MYO1A: variants seen among roughly 807,000 people sequenced by gnomAD.
MYO1A encodes unconventional myosin-Ia.
MYO1A carries 127 observed loss-of-function variants against 138.5 expected under a neutral mutation model. The ratio of observed to expected loss-of-function variants is 0.92; its 90% CI spans 0.79 to 1.06. The LOEUF is 1.06. MYO1A is among the 50% of genes least tolerant of loss of function. The pLI, the probability that MYO1A is intolerant of heterozygous loss-of-function variation, is 0.00. For missense variants in MYO1A, 1,211 were observed against 1,288.8 expected (o/e 0.94, Z 0.92); for synonymous variants, 477 against 497.5 (o/e 0.96, Z 0.55).
intron 12 of MYO1A, among the ~76,000 whole-genome samples, chr12:57,042,474 C>G (rs945650010): frequency 2.0e-5 from 3 of 152,138 alleles, no homozygotes; most frequent in Non-Finnish European, 4.4e-5. Flanking sequence ...GTGAGGACAT[C>G]TAATTTCAGT....
chr12:57,049,217 G>A (rs1288478363), intron 1 of MYO1A, among the ~76,000 whole-genome samples: 4 of 152,354 alleles, frequency 2.6e-5, no homozygotes, highest in Non-Finnish European at 2.9e-5. Flanking sequence ...CCCCCATGCA[G>A]TAGGCACATG....
intron 5 of MYO1A, 24 bp downstream of exon 5, chr12:57,047,279 G>A (rs762089770): frequency 3.7e-6 from 6 of 1,601,328 alleles, no homozygotes; most frequent in Non-Finnish European, 4.3e-6. Context: ...GGAGGGTGGA[G>A]AGGGCAGAGA....
chr12:57,038,465 A>C lies in MYO1A; in HGVS notation c.1707T>G (p.Ser569Arg). Residue 569 changes from serine to arginine, a missense_variant, in exon 17 of 28, where the codon AGT becomes AGG. Physicochemically the swap from Ser to Arg is moderately radical, Grantham distance 110. Coordinates refer to ENST00000300119, the MANE Select transcript of MYO1A (RefSeq NM_005379.4). The stretch of plus-strand genomic sequence containing the variant: ...GATTCTTCATGAGGATGGCCACAGA[A>C]CTCTTGAACTGGGCCCCAGCAGTCG... ...RPPTAGAQFK[S>R]SVAILMKNLY... 18 of 1,614,064 alleles carry C rather than the reference A, an allele frequency of 1.1e-5. No individual in the cohort carries two copies. Among genetic ancestry groups the C allele is most frequent in the Non-Finnish European group, 1.5e-5 (18 of 1,180,016 alleles).
chr12:57,043,410 G>T, intron 10 of MYO1A, 52 bp from the exon 11 acceptor site: 1 of 1,538,670 alleles, frequency 6.5e-7, no homozygotes, highest in Non-Finnish European at 9.0e-7. Context: ...TTCTCTCAGG[G>T]GAGGGAGTGC....
intron 14 of MYO1A, chr12:57,039,527 T>C: frequency 2.0e-6 from 1 of 508,388 alleles, no homozygotes. Context: ...GAGATCCCTG[T>C]AGGTGGTGTA....
At chr12:57,043,047 T>C (rs368199510) in intron 12 of MYO1A, 25 bp downstream of exon 12, 284 of 1,612,222 alleles carry the variant, frequency 1.8e-4, no homozygotes, top group Non-Finnish European at 2.3e-4. Context: ...CAGGAGAGCA[T>C]GGAGAAAGCA....
Position 57,038,709 on chromosome 12 carries a change from T to C in MYO1A, c.1534-71A>G, listed in dbSNP as rs1592476450. 6.2e-6 allele frequency: 10 copies of C among 1,608,094 alleles called. No individual in the cohort carries two copies. In the East Asian group the frequency reaches 1.1e-4, roughly 18 times the overall value. On this transcript the variant is annotated intron_variant, in intron 16 of 27. Transcript: ENST00000300119. Reference sequence around the variant, plus strand: ...CAGCACTTGGCCCTCCCAGTCTCATTGTGAAGTATTCCAGACTCTCACCTT... The same window carrying C: ...CAGCACTTGGCCCTCCCAGTCTCATCGTGAAGTATTCCAGACTCTCACCTT...
intron 19 of MYO1A, 42 bp from the exon 20 acceptor site, chr12:57,037,133 G>C (rs772582963): frequency 1.9e-6 from 3 of 1,612,078 alleles, no homozygotes; most frequent in African/African-American, 1.3e-5. Context: ...ACTGGCTCAG[G>C]GGAACAGTGC....
At position 57,038,498 on chromosome 12, in the gene MYO1A, T is replaced by C. The variant is rs1397252279; in HGVS notation, c.1674A>G (p.Lys558=). 1 of 1,613,914 alleles carries C rather than the reference T, an allele frequency of 6.2e-7. No individual in the cohort carries two copies. The highest frequency in any genetic ancestry group is 1.3e-5 in the African/African-American group (1 of 74,874). ...PEGNPKQASL[K]RPPTAGAQFK... Reference sequence around the variant, plus strand: ...ACTGGGCCCCAGCAGTCGGGGGGCGTTTGAGAGATGCCTGCTTAGGATTGC... The same window carrying C: ...ACTGGGCCCCAGCAGTCGGGGGGCGCTTGAGAGATGCCTGCTTAGGATTGC... The change falls in exon 17 of 28, where the codon AAA becomes AAG. Residue 558 remains lysine (K), a synonymous_variant. Coordinates refer to ENST00000300119, the MANE Select transcript of MYO1A (RefSeq NM_005379.4).
upstream of MYO1A, chr12:57,050,884 T>G (rs2031311821): frequency 6.6e-6 from 1 of 152,156 alleles, no homozygotes; most frequent in Non-Finnish European, 1.5e-5. Context: ...TCCATGCTAG[T>G]GCATGGCAGA....
intron 27 of MYO1A, 116 bp downstream of exon 27, chr12:57,029,015 AC>A: frequency 6.9e-6 from 11 of 1,594,394 alleles, no homozygotes; most frequent in Non-Finnish European, 9.4e-6. Context: ...CCTGAGAAAC[AC>A]CTCCAAGCCC....
chr12:57,041,880 CAGA>C (rs1352007114), intron 12 of MYO1A, among the ~76,000 whole-genome samples: 12 of 152,192 alleles, frequency 7.9e-5, no homozygotes, highest in Admixed American at 1.3e-4. Flanking sequence ...AGTCAAATTT[CAGA>C]AGGATAGGTA....
At position 57,037,832 on chromosome 12, in the gene MYO1A, C is replaced by T. The variant is rs768524352; in HGVS notation, c.1961+37G>A. 5.6e-6 allele frequency: 9 copies of T among 1,607,530 alleles called. No individual in the cohort carries two copies. In the South Asian group the frequency reaches 9.9e-5, roughly 18 times the overall value. On this transcript the variant is annotated intron_variant, in intron 18 of 27. Coordinates refer to ENST00000300119, the MANE Select transcript of MYO1A (RefSeq NM_005379.4). ...TCCCCCAGAGATGTTTCCTGCACTG[C>T]CCTTTCCTGATGCCCAGTCTCCCCA... is the stretch of plus-strand genomic sequence containing the variant.
At chr12:57,047,883 G>T in intron 3 of MYO1A, 106 bp downstream of exon 3, 1 of 1,560,674 alleles carries the variant, frequency 6.4e-7, no homozygotes. Context: ...AGGGAAGGAA[G>T]GGGCAGCTGG....
At position 57,037,073 on chromosome 12, in the gene MYO1A, G is replaced by A. The variant is rs1387429895; in HGVS notation, c.2074C>T (p.Gln692Ter). ...SPKTLFYLEEQRRLRLQQLAT... is the reference protein window; with the variant it reads ...SPKTLFYLEE ...AGCTGCTGGAGTCTCAGGCGCCTCT[G>A]TTCTTCGAGGTAGAAAAGCTGTGGA... is the stretch of plus-strand genomic sequence containing the variant. Residue 692 changes from glutamine (Q) to a stop codon, truncating the protein, a stop_gained, in exon 20 of 28, where the codon CAG (glutamine) becomes TAG (stop). Coordinates refer to ENST00000300119, the MANE Select transcript of MYO1A (RefSeq NM_005379.4). LOFTEE classifies it high-confidence loss of function. 3.7e-6 allele frequency: 6 copies of A among 1,614,172 alleles called. No homozygotes were observed. In the Admixed American group the frequency reaches 5.0e-5, roughly 13 times the overall value.
intron 23 of MYO1A, 116 bp downstream of exon 23, chr12:57,030,924 T>C: frequency 7.7e-7 from 1 of 1,305,704 alleles, no homozygotes; most frequent in South Asian, 1.4e-5. Flanking sequence ...ATGTTATGTA[T>C]ATTTTACCAC....
Position 57,038,279 on chromosome 12 carries a change from C to G in MYO1A, c.1760+133G>C, listed in dbSNP as rs1055732518. The G allele has an allele frequency of 5.1e-6, 6 of 1,166,288 alleles. No individual in the cohort carries two copies. In the East Asian group the frequency reaches 1.5e-4, roughly 29 times the overall value. 72.2% of individuals were successfully genotyped at this position (1,166,288 alleles called of 1,614,324 possible). ...GTGGGACTCTCAGCTCCTTATCTGA[C>G]TGTTTTCTGTGAGGAAAGGACCTCT... On this transcript the variant is annotated intron_variant, in intron 17 of 27. Transcript: ENST00000300119.
chr12:57,043,001 T>C (rs941714780), intron 12 of MYO1A, 71 bp downstream of exon 12: 3 of 1,479,416 alleles, frequency 2.0e-6, no homozygotes, highest in African/African-American at 1.4e-5. Context: ...GAAACCAAGA[T>C]ATAGGGCTGG....
chr12:57,031,281 T>A (rs2030273811), intron 22 of MYO1A, 107 bp from the exon 23 acceptor site: 2 of 1,396,024 alleles, frequency 1.4e-6, no homozygotes, highest in Admixed American at 3.4e-5. Flanking sequence ...TAACCCACAG[T>A]GAGAAGCAAG....
Sources: gnomAD v4.1 joint callset for allele counts (sites outside exome capture counted in the v4.1 genomes callset) on GRCh38, gnomAD v4.1.1 for gene constraint, MANE v1.5 for transcripts, NCBI Gene and HGNC (gene_info 2026-07-23, HGNC 2026-07-21) for gene names.